The following LINGO1 variants were observed in gnomAD, a reference collection of about 807,000 sequenced individuals.
LINGO1 encodes leucine rich repeat and Ig domain containing 1.
In LINGO1, 11 loss-of-function variants were observed where a neutral mutation model predicts 37.3. The observed-to-expected ratio is 0.29, with a 90% confidence interval of 0.19 to 0.49. The LOEUF (loss-of-function observed/expected upper bound fraction) is 0.49, where lower values mean the gene tolerates loss of function less well. Ranked by LOEUF, LINGO1 falls within the 20% of genes least tolerant of loss-of-function variation. The pLI is 0.99. For synonymous variants in LINGO1, 387 were observed against 403.0 expected (o/e 0.96, Z 0.48); for missense variants, 585 against 878.2 (o/e 0.67, Z 4.22).
intron 1 of LINGO1, among the ~76,000 whole-genome samples, chr15:77,623,282 G>T (rs2073980748): frequency 6.6e-6 from 1 of 152,182 alleles, no homozygotes; most frequent in Admixed American, 6.5e-5. Context: ...TGAGAGCAAA[G>T]GTGTGCAGGG....
At chr15:77,802,939 T>C (rs915476195) in intron 1 of LINGO1, among the ~76,000 whole-genome samples, 1 of 152,104 alleles carries the variant, frequency 6.6e-6, no homozygotes, top group African/African-American at 2.4e-5. Flanking sequence ...CAAGTGGCCT[T>C]CAGCTTCATG....
chr15:77,735,958 G>T (rs1281848496), intron 1 of LINGO1, among the ~76,000 whole-genome samples: 1 of 152,182 alleles, frequency 6.6e-6, no homozygotes, highest in African/African-American at 2.4e-5. Context: ...GCTGTGGGCT[G>T]GTGCAGTCAC....
chr15:77,615,604 C>A lies in LINGO1; in HGVS notation c.303G>T (p.Glu101Asp). 6.2e-7 allele frequency: 1 copy of A among 1,611,340 alleles called. No individual in the cohort carries two copies. Among genetic ancestry groups the A allele is most frequent in the Non-Finnish European group, 8.5e-7 (1 of 1,178,806 alleles). The change falls in exon 2 of 2, where the codon GAG becomes GAT. Residue 101 changes from glutamate to aspartate, a missense_variant. Physicochemically the swap from Glu to Asp is conservative, Grantham distance 45. Coordinates refer to ENST00000355300, the MANE Select transcript of LINGO1 (RefSeq NM_032808.7). ...FASFPHLEELELNENIVSAVE... is the reference protein window; with the variant it reads ...FASFPHLEELDLNENIVSAVE... ...CGGCGCTCACGATGTTCTCGTTGAGCTCCAGCTCCTCCAGGTGCGGGAAGC... is the reference window on the plus strand; with the variant it reads ...CGGCGCTCACGATGTTCTCGTTGAGATCCAGCTCCTCCAGGTGCGGGAAGC...
chr15:77,674,655 C>T (rs2075301291), intron 3 of LINGO1, among the ~76,000 whole-genome samples: 1 of 152,114 alleles, frequency 6.6e-6, no homozygotes, highest in Non-Finnish European at 1.5e-5. Context: ...CCCACAACAT[C>T]CACCCAACTC....
intron 1 of LINGO1, among the ~76,000 whole-genome samples, chr15:77,757,812 T>C (rs1394506136): frequency 6.6e-6 from 1 of 152,156 alleles, no homozygotes; most frequent in South Asian, 2.1e-4. Flanking sequence ...GAACAGGGGC[T>C]CAGTCCCCAG....
intron 1 of LINGO1, among the ~76,000 whole-genome samples, chr15:77,757,110 C>A (rs1268102675): frequency 1.3e-5 from 2 of 151,586 alleles, no homozygotes; most frequent in East Asian, 3.8e-4. Context: ...CACTCCTTGG[C>A]CAAGCCACCC....
At chr15:77,685,206 T>C (rs2075486240) in intron 2 of LINGO1, among the ~76,000 whole-genome samples, 4 of 152,084 alleles carry the variant, frequency 2.6e-5, no homozygotes, top group Admixed American at 2.6e-4. Context: ...GAGGAGGAGC[T>C]GTGCCTCCAG....
intron 2 of LINGO1, among the ~76,000 whole-genome samples, chr15:77,719,057 G>A (rs2076018162): frequency 6.7e-6 from 1 of 150,328 alleles, no homozygotes; most frequent in South Asian, 2.2e-4. Flanking sequence ...CATAAATGAG[G>A]AGCTTGTCCA....
At chr15:77,659,472 TCA>T (rs2074940316) in intron 3 of LINGO1, among the ~76,000 whole-genome samples, 3 of 152,196 alleles carry the variant, frequency 2.0e-5, no homozygotes, top group Non-Finnish European at 4.4e-5. Flanking sequence ...TCCCACTTTG[TCA>T]CAGTGGATCC....
chr15:77,818,540 G>A (rs1189152652), intron 1 of LINGO1, among the ~76,000 whole-genome samples: 2 of 152,012 alleles, frequency 1.3e-5, no homozygotes, highest in East Asian at 1.9e-4. Context: ...GGGAGCTCCT[G>A]AGGGTCCAGG....
intron 3 of LINGO1, chr15:77,641,682 A>C: frequency 2.7e-6 from 1 of 364,534 alleles, no homozygotes; most frequent in Non-Finnish European, 5.4e-6. Flanking sequence ...GACTGGCCCC[A>C]CACCCCGTCT....
At chr15:77,780,064 G>A (rs1298091019) in intron 1 of LINGO1, among the ~76,000 whole-genome samples, 1 of 152,240 alleles carries the variant, frequency 6.6e-6, no homozygotes, top group Non-Finnish European at 1.5e-5. Context: ...CCATGCTAAG[G>A]AGGGCTTTAC....
At chr15:77,617,186 G>A (rs1181682832) in intron 1 of LINGO1, among the ~76,000 whole-genome samples, 1 of 152,144 alleles carries the variant, frequency 6.6e-6, no homozygotes, top group Admixed American at 6.5e-5. Flanking sequence ...AGGGGTATGC[G>A]GGAGCCTCCG....
upstream of LINGO1, among the ~76,000 whole-genome samples, chr15:77,636,787 C>T (rs2074405643): frequency 6.6e-6 from 1 of 152,132 alleles, no homozygotes; most frequent in African/African-American, 2.4e-5. Context: ...GAAGCCACCA[C>T]AGAGACCCAC....
chr15:77,769,979 C>T (rs2076568100), intron 1 of LINGO1, among the ~76,000 whole-genome samples: 3 of 152,108 alleles, frequency 2.0e-5, no homozygotes, highest in Admixed American at 2.0e-4. Context: ...AAATGGTGGG[C>T]CAGGACCTGG....
intron 1 of LINGO1, among the ~76,000 whole-genome samples, chr15:77,751,070 C>A (rs68188240): frequency 0.14 from 21,462 of 152,162 alleles, 1,967 homozygotes; most frequent in African/African-American, 0.26. Flanking sequence ...TACCATCTCC[C>A]TCTCTGTGTC....
At chr15:77,629,641 A>C (rs888258553) in intron 1 of LINGO1, among the ~76,000 whole-genome samples, 1 of 152,178 alleles carries the variant, frequency 6.6e-6, no homozygotes, top group African/African-American at 2.4e-5. Flanking sequence ...TCATGCACAG[A>C]TAGTCCTTGC....
intron 2 of LINGO1, among the ~76,000 whole-genome samples, chr15:77,717,902 T>C (rs1024639493): frequency 6.6e-6 from 1 of 150,970 alleles, no homozygotes; most frequent in African/African-American, 2.4e-5. Flanking sequence ...GGAAGGCCCC[T>C]GCTCCATCAT....
In LINGO1 at chr15:77,695,577, C is replaced by T. The variant is rs541473678; in HGVS notation, c.-281+814G>A. On this transcript the variant is annotated intron_variant, in intron 1 of 3. Transcript: ENST00000559893. ...GTGCTCCCCAATCATTAAAGGCATC[C>T]CCCACTCGTTGAAGGCCCCAGGTCA... Among the ~76,000 whole-genome samples, 8 of 152,322 alleles carry T rather than the reference C, an allele frequency of 5.3e-5. No individual in the cohort carries two copies. In the South Asian group the frequency reaches 1.7e-3, roughly 32 times the overall value.
Sources: gnomAD v4.1 joint callset for allele counts (sites outside exome capture counted in the v4.1 genomes callset) on GRCh38, gnomAD v4.1.1 for gene constraint, MANE v1.5 for transcripts, NCBI Gene and HGNC (gene_info 2026-07-23, HGNC 2026-07-21) for gene names.